SSBP2: variants seen among roughly 807,000 people sequenced by gnomAD.
SSBP2 encodes single stranded DNA binding protein 2, also known as single-stranded DNA-binding protein 2.
SSBP2 carries 17 observed loss-of-function variants against 61.8 expected under a neutral mutation model. That is an observed-to-expected ratio of 0.28 (90% confidence interval 0.19 to 0.41). The LOEUF (loss-of-function observed/expected upper bound fraction) is 0.41. Among genes scored for constraint, SSBP2 ranks in the 10% least tolerant of loss-of-function variants. The probability of loss-of-function intolerance (pLI) is 1.00; values close to 1 mark genes in which losing one functional copy is unlikely to be tolerated. For missense variants in SSBP2, 310 were observed against 458.7 expected (o/e 0.68, Z 2.96); for synonymous variants, 139 against 141.3 (o/e 0.98, Z 0.12).
chr5:81,476,291 T>C (rs1035215144), intron 6 of SSBP2, among the ~76,000 whole-genome samples: 2 of 152,162 alleles, frequency 1.3e-5, no homozygotes, highest in Non-Finnish European at 2.9e-5. Context: ...TCAATTAATT[T>C]TGCCATTTGT....
At chr5:81,606,783 T>C (rs951901009) in intron 4 of SSBP2, among the ~76,000 whole-genome samples, 2 of 152,144 alleles carry the variant, frequency 1.3e-5, no homozygotes, top group African/African-American at 2.4e-5. Context: ...AGAGGAAAAA[T>C]TGACAATGGA....
At chr5:81,534,464 A>T in intron 4 of SSBP2, among the ~76,000 whole-genome samples, 1 of 152,168 alleles carries the variant, frequency 6.6e-6, no homozygotes, top group East Asian at 1.9e-4. Flanking sequence ...CTAATGGATA[A>T]TGCAAACAAA....
At chr5:81,748,799 A>C (rs555204070) in intron 1 of SSBP2, among the ~76,000 whole-genome samples, 1 of 152,308 alleles carries the variant, frequency 6.6e-6, no homozygotes, top group Admixed American at 6.5e-5. Flanking sequence ...TTGACAGCAA[A>C]GTGGCAATTA....
At chr5:81,593,685 C>T (rs187557651) in intron 4 of SSBP2, among the ~76,000 whole-genome samples, 11 of 152,132 alleles carry the variant, frequency 7.2e-5, no homozygotes, top group Non-Finnish European at 1.2e-4. Context: ...GGGACCAATA[C>T]TCAACATTCT....
intron 1 of SSBP2, among the ~76,000 whole-genome samples, chr5:81,720,566 C>G (rs184992897): frequency 6.6e-6 from 1 of 152,234 alleles, no homozygotes; most frequent in East Asian, 1.9e-4. Context: ...AAAAGGAACA[C>G]AAAAATAATG....
intron 5 of SSBP2, among the ~76,000 whole-genome samples, chr5:81,502,489 A>G (rs1453449592): frequency 6.6e-6 from 1 of 152,124 alleles, no homozygotes. Flanking sequence ...CATAGCTTCA[A>G]ATATATTCCA....
intron 1 of SSBP2, among the ~76,000 whole-genome samples, chr5:81,693,218 A>G (rs1352850524): frequency 6.6e-6 from 1 of 151,610 alleles, no homozygotes; most frequent in Non-Finnish European, 1.5e-5. Flanking sequence ...AAAAAAAAAA[A>G]AAAAAGAAAG....
chr5:81,490,475 T>C (rs2154054322), intron 5 of SSBP2, among the ~76,000 whole-genome samples: 1 of 152,272 alleles, frequency 6.6e-6, no homozygotes, highest in Admixed American at 6.5e-5. Flanking sequence ...TCTAACGGGT[T>C]GAATGTTATT....
chr5:81,550,153 C>T (rs934411449), intron 4 of SSBP2, among the ~76,000 whole-genome samples: 5 of 152,270 alleles, frequency 3.3e-5, no homozygotes, highest in South Asian at 2.1e-4. Flanking sequence ...TTGCTGTACA[C>T]GAACGTTAAT....
chr5:81,642,958 G>A (rs1428249542), intron 2 of SSBP2, among the ~76,000 whole-genome samples: 1 of 152,110 alleles, frequency 6.6e-6, no homozygotes, highest in Non-Finnish European at 1.5e-5. Context: ...TTCTGGCAAG[G>A]TATACTGGTC....
At chr5:81,437,068 C>A (rs967845774) in intron 15 of SSBP2, among the ~76,000 whole-genome samples, 4 of 151,950 alleles carry the variant, frequency 2.6e-5, no homozygotes, top group African/African-American at 9.7e-5. Context: ...TTTATCTCTC[C>A]TCACATTTCT....
At position 81,419,824 on chromosome 5, in the gene SSBP2, A is replaced by C. The variant is rs1397835152; in HGVS notation, c.*680T>G. The C allele has an allele frequency of 6.6e-6, 1 of 152,246 alleles. No individual in the cohort carries two copies. Among genetic ancestry groups the C allele is most frequent in the Non-Finnish European group, 1.5e-5 (1 of 68,048 alleles). 9.4% of individuals were successfully genotyped at this position (152,246 alleles called of 1,614,324 possible). ...AAATTAAAAAAATACTTTTCACTGA[A>C]GGTAACTGAGAAATTGTTTGATTCA... is the stretch of plus-strand genomic sequence containing the variant. On this transcript the variant is annotated 3_prime_UTR_variant, in exon 17 of 17. Transcript: ENST00000320672.
intron 6 of SSBP2, among the ~76,000 whole-genome samples, chr5:81,480,398 T>G (rs957553316): frequency 3.3e-5 from 5 of 152,224 alleles, no homozygotes; most frequent in Non-Finnish European, 7.3e-5. Flanking sequence ...GTCTATTAGG[T>G]GTGCAATAGC....
intron 1 of SSBP2, among the ~76,000 whole-genome samples, chr5:81,673,011 T>C (rs1751701824): frequency 6.6e-6 from 1 of 152,020 alleles, no homozygotes. Flanking sequence ...CTAATTTTTG[T>C]ATTTTTAGTA....
rs539177731 is a variant in SSBP2, at chr5:81,641,731, G to T, written c.136-5113C>A. Among the ~76,000 whole-genome samples, 3 of 152,258 alleles carry T rather than the reference G, an allele frequency of 2.0e-5. No individual in the cohort carries two copies. The South Asian group carries it at 6.2e-4, about 32-fold the overall frequency. ...TATTGTTAGAAAAAAATGAAAATTA[G>T]AAACAGCCTGAGAAACATTCACTAG... On this transcript the variant is annotated intron_variant, in intron 2 of 16. Coordinates refer to ENST00000320672, the MANE Select transcript of SSBP2 (RefSeq NM_012446.5).
At chr5:81,556,728 G>A (rs1772637620) in intron 4 of SSBP2, among the ~76,000 whole-genome samples, 1 of 152,028 alleles carries the variant, frequency 6.6e-6, no homozygotes, top group South Asian at 2.1e-4. Context: ...CTAGTTAAGA[G>A]CACAAATTCT....
At chr5:81,671,713 A>C (rs890666039) in intron 1 of SSBP2, among the ~76,000 whole-genome samples, 2 of 152,158 alleles carry the variant, frequency 1.3e-5, no homozygotes, top group African/African-American at 4.8e-5. Flanking sequence ...TCTTGCCCTT[A>C]AGTAATTTTC....
intron 4 of SSBP2, among the ~76,000 whole-genome samples, chr5:81,514,213 T>C (rs1387906498): frequency 6.6e-6 from 1 of 152,100 alleles, no homozygotes; most frequent in Non-Finnish European, 1.5e-5. Context: ...GCAACACTCA[T>C]ATTATTCACT....
chr5:81,726,675 C>T (rs10035917), intron 1 of SSBP2, among the ~76,000 whole-genome samples: 21,845 of 152,026 alleles, frequency 0.14, 2,381 homozygotes, highest in East Asian at 0.49. Flanking sequence ...ACAAATATCC[C>T]ACTTTTCTCC....
Sources: allele counts gnomAD v4.1 joint callset (sites outside exome capture counted in the v4.1 genomes callset), GRCh38; gene constraint gnomAD v4.1.1; transcripts MANE v1.5; gene names NCBI Gene and HGNC (gene_info 2026-07-23, HGNC 2026-07-21).